The following FAM227B variants were observed in gnomAD, a reference collection of about 807,000 sequenced individuals.
FAM227B encodes the protein family with sequence similarity 227 member B, also known as protein FAM227B.
FAM227B carries 88 observed loss-of-function variants against 73.8 expected under a neutral mutation model. That is an observed-to-expected ratio of 1.19 (90% CI 1.00 to 1.42). The LOEUF (loss-of-function observed/expected upper bound fraction) is 1.42. Ranked by LOEUF, FAM227B falls within the 40% of genes most tolerant of loss-of-function variation. The pLI, the probability that FAM227B is intolerant of heterozygous loss-of-function variation, is 0.00. For synonymous variants in FAM227B, 210 were observed against 190.5 expected, an observed-to-expected ratio of 1.10 and a Z score of -0.84; for missense variants, 632 against 590.9, an observed-to-expected ratio of 1.07 and a Z score of -0.72.
intron 11 of FAM227B, among the ~76,000 whole-genome samples, chr15:49,412,491 T>G (rs897794986): frequency 1.3e-5 from 2 of 152,138 alleles, no homozygotes; most frequent in African/African-American, 2.4e-5. Flanking sequence ...ATATCAACAC[T>G]GTTATTCTTA....
At chr15:49,522,012 C>T (rs1460333884) in intron 10 of FAM227B, among the ~76,000 whole-genome samples, 1 of 152,096 alleles carries the variant, frequency 6.6e-6, no homozygotes, top group African/African-American at 2.4e-5. Context: ...AACTGAACTG[C>T]ACCACCAAAT....
intron 13 of FAM227B, among the ~76,000 whole-genome samples, chr15:49,362,747 A>T (rs567637521): frequency 1.8e-4 from 27 of 146,366 alleles, no homozygotes; most frequent in African/African-American, 6.6e-4. Context: ...GAGTTTTTTT[A>T]ATAGGTTTAG....
chr15:49,547,472 A>G (rs894834861), intron 9 of FAM227B, among the ~76,000 whole-genome samples: 8 of 152,174 alleles, frequency 5.3e-5, no homozygotes, highest in African/African-American at 1.9e-4. Context: ...CCAATTAAAA[A>G]ACACAGACTG....
chr15:49,541,621 G>T (rs927719550), intron 10 of FAM227B, 59 bp downstream of exon 10: 48 of 1,316,194 alleles, frequency 3.6e-5, no homozygotes, highest in Admixed American at 9.0e-5. Context: ...ATAAAATACT[G>T]CAACCCCAAA....
At chr15:49,344,638 C>T (rs1567112282) in intron 13 of FAM227B, among the ~76,000 whole-genome samples, 2 of 152,158 alleles carry the variant, frequency 1.3e-5, no homozygotes, top group Non-Finnish European at 2.9e-5. Flanking sequence ...TGGAGCAATA[C>T]ACATAATTGA....
intron 11 of FAM227B, among the ~76,000 whole-genome samples, chr15:49,455,174 T>C (rs1463445550): frequency 5.3e-5 from 8 of 152,208 alleles, no homozygotes; most frequent in Non-Finnish European, 8.8e-5. Flanking sequence ...ATGCATGCAA[T>C]GTGACAGGCA....
intron 9 of FAM227B, among the ~76,000 whole-genome samples, chr15:49,556,254 C>A (rs909666038): frequency 4.0e-5 from 6 of 150,564 alleles, no homozygotes; most frequent in African/African-American, 1.5e-4. Flanking sequence ...TTTCTTTTAT[C>A]TTATTTGATT....
intron 11 of FAM227B, among the ~76,000 whole-genome samples, chr15:49,436,524 G>T (rs2051121695): frequency 6.6e-6 from 1 of 151,498 alleles, no homozygotes; most frequent in South Asian, 2.1e-4. Flanking sequence ...TAACAAAAAT[G>T]ACTACTACAA....
chr15:49,480,467 C>T lies in FAM227B; in HGVS notation c.1012+27744G>A, dbSNP rs1264365231. On this transcript the variant is annotated intron_variant, in intron 11 of 15. Coordinates refer to ENST00000299338, the MANE Select transcript of FAM227B (RefSeq NM_152647.3). ...GAATTATAGGAATGCACCACCATGC[C>T]CAACTAATTTTTTTTTTTTTTTTTT... Among the ~76,000 whole-genome samples, 4 of 140,688 alleles carry T rather than the reference C, an allele frequency of 2.8e-5. No individual in the cohort carries two copies. The East Asian group carries it at 6.4e-4, about 22-fold the overall frequency. 92.3% of individuals were successfully genotyped at this position (140,688 alleles called of 152,430 possible). A position where few individuals can be genotyped will look rare whatever the true frequency, so the allele number is the denominator to read the frequency against.
intron 11 of FAM227B, among the ~76,000 whole-genome samples, chr15:49,418,350 A>T (rs1437023809): frequency 6.6e-6 from 1 of 152,208 alleles, no homozygotes; most frequent in African/African-American, 2.4e-5. Flanking sequence ...TACCATAAAG[A>T]CACATGCATG....
intron 3 of FAM227B, among the ~76,000 whole-genome samples, chr15:49,604,753 T>C (rs2077405698): frequency 1.3e-5 from 2 of 151,490 alleles, no homozygotes. Context: ...TATGTTTTTG[T>C]TCCTCTGACA....
chr15:49,354,205 C>T (rs568158495), intron 13 of FAM227B, among the ~76,000 whole-genome samples: 3 of 152,310 alleles, frequency 2.0e-5, no homozygotes, highest in Non-Finnish European at 4.4e-5. Flanking sequence ...TTCCTGAACA[C>T]TATTTACATG....
In FAM227B at chr15:49,341,014, G is replaced by C. The variant is rs527916506; in HGVS notation, c.1272-5518C>G. Among the ~76,000 whole-genome samples, 87 of 152,254 alleles carry C rather than the reference G, an allele frequency of 5.7e-4. 1 individual carries two copies. Among genetic ancestry groups the C allele is most frequent in the Admixed American group, 4.8e-3 (74 of 15,286 alleles). ...CAGCTATCCCAGTACCATTTATTGA[G>C]TAGGAAGTCCTTTCCCCATTGCTTG... is the stretch of plus-strand genomic sequence containing the variant. On this transcript the variant is annotated intron_variant, in intron 13 of 15. Coordinates refer to ENST00000299338, the MANE Select transcript of FAM227B (RefSeq NM_152647.3).
chr15:49,541,798 A>G lies in FAM227B; in HGVS notation c.756T>C (p.Pro252=). ...SRKDAFFQIY[P]DCLAQAIYAT... ...CATATATGGCTTGTGCCAAACAATC[A>G]GGATATATCTACCAAAATAAAATCA... Residue 252 remains proline, a synonymous_variant, in exon 10 of 16, where the codon CCT becomes CCC. Transcript: ENST00000299338. The G allele has an allele frequency of 7.0e-7, 1 of 1,433,232 alleles. No individual in the cohort carries two copies. Among genetic ancestry groups the G allele is most frequent in the Non-Finnish European group, 9.2e-7 (1 of 1,091,042 alleles). 88.8% of individuals were successfully genotyped at this position (1,433,232 alleles called of 1,614,324 possible).
intron 13 of FAM227B, among the ~76,000 whole-genome samples, chr15:49,348,019 C>CAA (rs67614443): frequency 0.013 from 900 of 68,728 alleles, 9 homozygotes; most frequent in African/African-American, 0.021. Context: ...AACTCTGTCT[C>CAA]AAAAAAAAAA....
At chr15:49,432,640 C>G (rs1198726075) in intron 11 of FAM227B, among the ~76,000 whole-genome samples, 2 of 151,450 alleles carry the variant, frequency 1.3e-5, no homozygotes, top group Non-Finnish European at 1.5e-5. Context: ...TTGTTTGAAT[C>G]AAATAAAAAA....
intron 10 of FAM227B, among the ~76,000 whole-genome samples, chr15:49,512,546 C>T (rs920042045): frequency 5.9e-5 from 9 of 151,984 alleles, no homozygotes; most frequent in African/African-American, 2.2e-4. Flanking sequence ...ACGAATTCTT[C>T]GATAAGGTGC....
chr15:49,444,513 T>C (rs919636961), intron 11 of FAM227B, among the ~76,000 whole-genome samples: 4 of 151,738 alleles, frequency 2.6e-5, no homozygotes, highest in African/African-American at 7.2e-5. Flanking sequence ...AAAACATCAA[T>C]AGATTGTAGT....
intron 11 of FAM227B, among the ~76,000 whole-genome samples, chr15:49,492,987 C>T (rs548947482): frequency 6.6e-6 from 1 of 151,906 alleles, no homozygotes; most frequent in East Asian, 1.9e-4. Flanking sequence ...ATAATGTAGT[C>T]ATTGTTACCA....
Sources: allele counts gnomAD v4.1 joint callset (sites outside exome capture counted in the v4.1 genomes callset), GRCh38; gene constraint gnomAD v4.1.1; transcripts MANE v1.5; gene names NCBI Gene and HGNC (gene_info 2026-07-23, HGNC 2026-07-21).